The following HRH2 variants were observed in gnomAD, a reference collection of about 807,000 sequenced individuals.
The protein encoded by HRH2 is histamine H2 receptor.
In HRH2, 4 loss-of-function variants were observed where a neutral mutation model predicts 20.1. The ratio of observed to expected loss-of-function variants is 0.20; its 90% CI spans 0.10 to 0.45. The LOEUF is 0.45. Ranked by LOEUF, HRH2 falls within the 20% of genes least tolerant of loss-of-function variation. The pLI is 0.99. For missense variants in HRH2, 250 were observed against 461.6 expected (o/e 0.54, Z 4.20); for synonymous variants, 197 against 200.7 (o/e 0.98, Z 0.16).
chr5:175,707,859 A>AGAGACACAT lies in HRH2; in HGVS notation c.1159_1167dup (p.Arg387_Met389dup), dbSNP rs1256591926. The AGAGACACAT allele has an allele frequency of 1.8e-5, 7 of 399,180 alleles. No homozygotes were observed. The highest frequency in any genetic ancestry group is 2.7e-5 in the Non-Finnish European group (6 of 226,242). The allele number at this position is 399,180 out of a possible 1,614,324, so 24.7% of individuals were successfully genotyped here. A position where few individuals can be genotyped will look rare whatever the true frequency, so the allele number is the denominator to read the frequency against. On this transcript the variant is annotated inframe_insertion, in exon 3 of 3. Coordinates refer to ENST00000636584, the MANE Select transcript of HRH2 (RefSeq NM_001367711.1). ...AGCCTGTGGGGGCTCAGGTTCCTTCAGAGACACATGGGAGGCCCCTCGGAG... is the reference window on the plus strand; with the variant it reads ...AGCCTGTGGGGGCTCAGGTTCCTTCAGAGACACATGAGACACATGGGAGGCCCCTCGGAG...
In HRH2 at chr5:175,677,876, T is replaced by C. The variant is rs963942940; in HGVS notation, c.-525-4833T>C. Reference sequence around the variant, plus strand: ...TTCCCGCCTTCCAATCACATCACCCTCTGCTCGAACTTCCCCTCCACCTGC... The same window carrying C: ...TTCCCGCCTTCCAATCACATCACCCCCTGCTCGAACTTCCCCTCCACCTGC... On this transcript the variant is annotated intron_variant, in intron 1 of 2. Transcript: ENST00000636584. This position sits in a 1 kb window ranked among gnomAD's most constrained non-coding sequence, Gnocchi z 4.2. 6.6e-6 allele frequency among the ~76,000 whole-genome samples: 1 copy of C among 152,176 alleles called. No homozygotes were observed. The highest frequency in any genetic ancestry group is 1.5e-5 in the Non-Finnish European group (1 of 68,016).
At chr5:175,700,645 T>G (rs1445734902) in intron 2 of HRH2, among the ~76,000 whole-genome samples, 1 of 152,088 alleles carries the variant, frequency 6.6e-6, no homozygotes, top group Non-Finnish European at 1.5e-5. Flanking sequence ...TCCCAGCACC[T>G]TGGGAGGCCG....
chr5:175,700,875 A>G (rs754634837), intron 2 of HRH2, among the ~76,000 whole-genome samples: 17 of 152,154 alleles, frequency 1.1e-4, no homozygotes, highest in Non-Finnish European at 2.1e-4. Flanking sequence ...GCGACAGAGC[A>G]AGACTCTGTC....
intron 1 of HRH2, among the ~76,000 whole-genome samples, chr5:175,671,155 G>T (rs192596025): frequency 6.6e-6 from 1 of 152,362 alleles, no homozygotes; most frequent in African/African-American, 2.4e-5. Context: ...AAGCCTCTGA[G>T]TGAGGAAAAG....
chr5:175,710,600 G>A lies in HRH2; in HGVS notation c.*2629G>A, dbSNP rs373335534. The A allele has an allele frequency of 3.9e-5, 6 of 152,282 alleles. No individual in the cohort carries two copies. Among genetic ancestry groups the A allele is most frequent in the Non-Finnish European group, 7.3e-5 (5 of 68,062 alleles). The allele number at this position is 152,282 out of a possible 1,614,324, so 9.4% of individuals were successfully genotyped here. A position where few individuals can be genotyped will look rare whatever the true frequency, so the allele number is the denominator to read the frequency against. On this transcript the variant is annotated 3_prime_UTR_variant, in exon 3 of 3. Transcript: ENST00000636584. ...CCGCCACTGCAGAAGACGCCTCCAC[G>A]TCTGTCTCTGGGCTGCCTCCACCTT...
intron 1 of HRH2, among the ~76,000 whole-genome samples, chr5:175,671,006 T>G (rs1301662875): frequency 6.6e-6 from 1 of 152,164 alleles, no homozygotes; most frequent in Admixed American, 6.5e-5. Context: ...GCACATGGGG[T>G]TAATAACAAG....
At position 175,677,246 on chromosome 5, in the gene HRH2, C is replaced by G. The variant is rs1362377462; in HGVS notation, c.-525-5463C>G. ...CTGGCCAATTCTCCCACCTCAGCCT[C>G]CCAAAATGCTGGGACTGCAGGTGTG... On this transcript the variant is annotated intron_variant, in intron 1 of 2. Transcript: ENST00000636584. The surrounding 1 kb of genome is among the most constrained non-coding windows in gnomAD (Gnocchi z 4.2). 6.6e-6 allele frequency among the ~76,000 whole-genome samples: 1 copy of G among 152,226 alleles called. No homozygotes were observed.
intron 1 of HRH2, among the ~76,000 whole-genome samples, chr5:175,678,140 C>T (rs576555020): frequency 1.3e-5 from 2 of 152,194 alleles, no homozygotes; most frequent in Non-Finnish European, 2.9e-5. Flanking sequence ...CATAAATAAG[C>T]AGCTCCACAG....
rs1479836333 is a variant in HRH2, at chr5:175,709,960, TTTGA to T, written c.*1992_*1995del. On this transcript the variant is annotated 3_prime_UTR_variant, in exon 3 of 3. Transcript: ENST00000636584. ...GGCCCTGCTGTTCTTTTCCTTTTAG[TTTGA>T]TTAACTCACTCTGCCCATTCCATGC... is the stretch of plus-strand genomic sequence containing the variant. 6.6e-6 allele frequency: 1 copy of T among 152,544 alleles called. No individual in the cohort carries two copies. The highest frequency in any genetic ancestry group is 2.4e-5 in the African/African-American group (1 of 41,466). 9.4% of individuals were successfully genotyped at this position (152,544 alleles called of 1,614,324 possible). A position where few individuals can be genotyped will look rare whatever the true frequency, so the allele number is the denominator to read the frequency against.
At chr5:175,662,022 AAAATAAAT>A (rs60453819) in intron 1 of HRH2, among the ~76,000 whole-genome samples, 11 of 150,560 alleles carry the variant, frequency 7.3e-5, no homozygotes, top group South Asian at 2.1e-4. Context: ...TCTGTCTCAA[AAAATAAAT>A]AAATAAATAA....
chr5:175,685,212 T>A (rs1242759272), intron 2 of HRH2, among the ~76,000 whole-genome samples: 1 of 152,174 alleles, frequency 6.6e-6, no homozygotes, highest in Non-Finnish European at 1.5e-5. Flanking sequence ...ATAAATTCAC[T>A]GGTGACAAAG....
intron 2 of HRH2, among the ~76,000 whole-genome samples, chr5:175,695,430 G>A (rs902188296): frequency 2.6e-5 from 4 of 152,198 alleles, no homozygotes. Flanking sequence ...TCACCAGCTC[G>A]CGCAGGAGTA....
At chr5:175,664,939 G>A (rs143341474) in intron 1 of HRH2, among the ~76,000 whole-genome samples, 37 of 152,286 alleles carry the variant, frequency 2.4e-4, no homozygotes, top group Admixed American at 7.2e-4. Flanking sequence ...CACACGGCCC[G>A]CACAAAAGGA....
chr5:175,705,172 T>C (rs1756905978), intron 2 of HRH2, among the ~76,000 whole-genome samples: 1 of 152,206 alleles, frequency 6.6e-6, no homozygotes, highest in Non-Finnish European at 1.5e-5. Flanking sequence ...AGTGTTCTCA[T>C]AGAAATGGAC....
intron 2 of HRH2, among the ~76,000 whole-genome samples, chr5:175,700,686 C>A (rs1297167397): frequency 6.6e-6 from 1 of 152,112 alleles, no homozygotes; most frequent in African/African-American, 2.4e-5. Context: ...CAGTTCGAGA[C>A]CAGCCTGACC....
intron 1 of HRH2, among the ~76,000 whole-genome samples, chr5:175,669,364 C>CTTT (rs33964139): frequency 1.5e-5 from 2 of 133,130 alleles, no homozygotes; most frequent in Admixed American, 1.5e-4. Flanking sequence ...TTCTTTCTTT[C>CTTT]TTTTTTTTTT....
chr5:175,689,701 C>T (rs1275221653), intron 2 of HRH2, among the ~76,000 whole-genome samples: 2 of 152,222 alleles, frequency 1.3e-5, no homozygotes, highest in Non-Finnish European at 2.9e-5. Flanking sequence ...GAATCCAGTA[C>T]CAGCTCTGAA....
At chr5:175,691,784 G>A (rs1218274251) in intron 2 of HRH2, among the ~76,000 whole-genome samples, 1 of 151,870 alleles carries the variant, frequency 6.6e-6, no homozygotes, top group East Asian at 1.9e-4. Flanking sequence ...TCAGGAGGCT[G>A]AGGCAGGAGA....
chr5:175,663,770 A>C (rs1762806170), intron 1 of HRH2, among the ~76,000 whole-genome samples: 1 of 152,202 alleles, frequency 6.6e-6, no homozygotes, highest in Non-Finnish European at 1.5e-5. Context: ...CCCCTCTAGC[A>C]CACTTCAAGT....
Sources: allele counts gnomAD v4.1 joint callset (sites outside exome capture counted in the v4.1 genomes callset), GRCh38; gene constraint gnomAD v4.1.1; non-coding constraint Gnocchi (gnomAD v3.1); transcripts MANE v1.5; gene names NCBI Gene and HGNC (gene_info 2026-07-23, HGNC 2026-07-21).